The following SDK1 variants were observed in gnomAD, a reference collection of about 807,000 sequenced individuals.
SDK1 encodes sidekick cell adhesion molecule 1.
Under a neutral mutation model 245.5 loss-of-function variants are expected in SDK1, and 157 were observed. The ratio of observed to expected loss-of-function variants is 0.64; its 90% CI spans 0.56 to 0.73. The LOEUF (loss-of-function observed/expected upper bound fraction) is 0.73, where lower values mean the gene tolerates loss of function less well. Ranked by LOEUF, SDK1 falls within the 30% of genes least tolerant of loss-of-function variation. SDK1 has a pLI of 0.00. For missense variants in SDK1, 3,583 were observed against 3,002.3 expected (o/e 1.19, Z -4.52); for synonymous variants, 1,647 against 1,278.5 (o/e 1.29, Z -6.15).
chr7:3,608,400 G>A (rs762852052), intron 1 of SDK1, among the ~76,000 whole-genome samples: 5 of 152,042 alleles, frequency 3.3e-5, no homozygotes, highest in Admixed American at 3.3e-4. Context: ...GAAAAACTAT[G>A]GTAATTTAGA....
intron 4 of SDK1, among the ~76,000 whole-genome samples, chr7:3,705,978 G>C (rs76113466): frequency 2.6e-5 from 4 of 152,042 alleles, no homozygotes; most frequent in Non-Finnish European, 5.9e-5. Context: ...TATAATAAAG[G>C]GATGCTAGAT....
chr7:3,482,188 A>G lies in SDK1; in HGVS notation c.299-136892A>G, dbSNP rs116054713. Among the ~76,000 whole-genome samples, 952 of 152,340 alleles carry G rather than the reference A, an allele frequency of 6.2e-3. 9 individuals carry two copies. Among genetic ancestry groups the G allele is most frequent in the African/African-American group, 0.022 (914 of 41,578 alleles). On this transcript the variant is annotated intron_variant, in intron 1 of 44. Transcript: ENST00000404826. ...AGTCTATTCATCGATCAGATACCTTAAACTACCTACCTACTAACAACAATT... is the reference window on the plus strand; with the variant it reads ...AGTCTATTCATCGATCAGATACCTTGAACTACCTACCTACTAACAACAATT...
intron 1 of SDK1, among the ~76,000 whole-genome samples, chr7:3,565,475 A>G (rs950795736): frequency 2.0e-5 from 3 of 152,234 alleles, no homozygotes; most frequent in African/African-American, 7.2e-5. Flanking sequence ...CAAGAGGCAT[A>G]TGGATCTAAA....
At chr7:4,041,599 T>C (rs1451498445) in intron 17 of SDK1, among the ~76,000 whole-genome samples, 2 of 152,066 alleles carry the variant, frequency 1.3e-5, no homozygotes, top group Non-Finnish European at 2.9e-5. Flanking sequence ...GCTCCTCCTG[T>C]TCACCCCTCC....
At chr7:4,130,986 G>C (rs540534451) in intron 27 of SDK1, among the ~76,000 whole-genome samples, 2 of 152,182 alleles carry the variant, frequency 1.3e-5, no homozygotes, top group South Asian at 4.1e-4. Flanking sequence ...TGCCACCCCT[G>C]ATCCTCGCCT....
chr7:4,176,279 A>G (rs78199259), intron 34 of SDK1, among the ~76,000 whole-genome samples: 77 of 151,724 alleles, frequency 5.1e-4, no homozygotes, highest in African/African-American at 1.7e-3. Context: ...CCCCTGCCTC[A>G]GCCCCCCAAG....
chr7:4,053,430 C>T (rs955869947), intron 19 of SDK1, among the ~76,000 whole-genome samples: 5 of 151,840 alleles, frequency 3.3e-5, no homozygotes, highest in African/African-American at 1.2e-4. Context: ...TCCCTTCTTC[C>T]CCTCTCTGTC....
chr7:3,860,427 C>G (rs962051631), intron 5 of SDK1, among the ~76,000 whole-genome samples: 1 of 152,150 alleles, frequency 6.6e-6, no homozygotes, highest in Admixed American at 6.5e-5. Context: ...GTCAAGTTGA[C>G]TTTTCATCTA....
In SDK1 at chr7:3,805,265, T is replaced by A. The variant is rs921823966; in HGVS notation, c.714-16185T>A. ...ACTTATTTATTACTTCAGTGAGTGT[T>A]GTTGTTACTGTTGCTTTGTAGATTC... On this transcript the variant is annotated intron_variant, in intron 4 of 44. Coordinates refer to ENST00000404826, the MANE Select transcript of SDK1 (RefSeq NM_152744.4). 1.1e-4 allele frequency among the ~76,000 whole-genome samples: 17 copies of A among 152,244 alleles called. No homozygotes were observed. In the East Asian group the frequency reaches 2.9e-3, roughly 26 times the overall value.
intron 4 of SDK1, among the ~76,000 whole-genome samples, chr7:3,688,894 A>C (rs886428057): frequency 6.6e-6 from 1 of 152,128 alleles, no homozygotes; most frequent in African/African-American, 2.4e-5. Flanking sequence ...TCAGAACAGC[A>C]CTGTGAGCTC....
At chr7:3,745,527 C>T (rs1450091079) in intron 4 of SDK1, among the ~76,000 whole-genome samples, 3 of 139,508 alleles carry the variant, frequency 2.2e-5, no homozygotes, top group African/African-American at 9.8e-5. Context: ...TCAGTATGCC[C>T]TCATTTGCAT....
chr7:3,814,913 TTGTA>T (rs1779470139), intron 4 of SDK1, among the ~76,000 whole-genome samples: 1 of 152,124 alleles, frequency 6.6e-6, no homozygotes, highest in Non-Finnish European at 1.5e-5. Context: ...GGCTCTCTGT[TTGTA>T]TGTTGTTGGT....
At chr7:3,402,941 GTTTC>G (rs142648322) in intron 1 of SDK1, among the ~76,000 whole-genome samples, 15,083 of 151,876 alleles carry the variant, frequency 0.099, 938 homozygotes, top group African/African-American at 0.17. Context: ...CTATTCCTCT[GTTTC>G]TTTCTTTCTT....
At chr7:3,599,265 A>C (rs1459965525) in intron 1 of SDK1, among the ~76,000 whole-genome samples, 1 of 151,880 alleles carries the variant, frequency 6.6e-6, no homozygotes, top group Non-Finnish European at 1.5e-5. Flanking sequence ...CCATCTGTAG[A>C]TTCTCTTTAG....
chr7:4,043,195 G>T lies in SDK1; in HGVS notation c.2603-6153G>T, dbSNP rs1788764511. On this transcript the variant is annotated intron_variant, in intron 17 of 44. Coordinates refer to ENST00000404826, the MANE Select transcript of SDK1 (RefSeq NM_152744.4). Reference sequence around the variant, plus strand: ...ATAGCCAGGAGCTCAAGTAGAGTGAGTGTCACAGCCAGGGGCCCAGGTAGA... The same window carrying T: ...ATAGCCAGGAGCTCAAGTAGAGTGATTGTCACAGCCAGGGGCCCAGGTAGA... Among the ~76,000 whole-genome samples, 5 of 151,846 alleles carry T rather than the reference G, an allele frequency of 3.3e-5. No homozygotes were observed. In the South Asian group the frequency reaches 1.0e-3, roughly 32 times the overall value.
intron 5 of SDK1, among the ~76,000 whole-genome samples, chr7:3,825,236 CT>C (rs1393328032): frequency 6.9e-6 from 1 of 145,426 alleles, no homozygotes; most frequent in Admixed American, 7.1e-5. Flanking sequence ...TTGGCTTTTG[CT>C]TTGAAGATTT....
intron 1 of SDK1, among the ~76,000 whole-genome samples, chr7:3,324,386 A>G (rs1006481566): frequency 2.6e-5 from 4 of 152,180 alleles, no homozygotes; most frequent in Non-Finnish European, 5.9e-5. Flanking sequence ...TACCTACTCA[A>G]TAGCTCCCTT....
intron 4 of SDK1, among the ~76,000 whole-genome samples, chr7:3,777,545 G>A (rs1780601921): frequency 6.6e-6 from 1 of 152,174 alleles, no homozygotes; most frequent in Admixed American, 6.5e-5. Flanking sequence ...GGTTGCCACA[G>A]CATTCCTCCT....
chr7:3,564,877 T>C (rs1436129137), intron 1 of SDK1, among the ~76,000 whole-genome samples: 1 of 152,084 alleles, frequency 6.6e-6, no homozygotes, highest in African/African-American at 2.4e-5. Flanking sequence ...ACAGTACCTG[T>C]GAATGTAACA....
Sources: gnomAD v4.1 joint callset for allele counts (sites outside exome capture counted in the v4.1 genomes callset) on GRCh38, gnomAD v4.1.1 for gene constraint, MANE v1.5 for transcripts, NCBI Gene and HGNC (gene_info 2026-07-23, HGNC 2026-07-21) for gene names.